CDH4: variants seen among roughly 807,000 people sequenced by gnomAD.
CDH4 encodes the protein cadherin 4.
Under a neutral mutation model 86.0 loss-of-function variants are expected in CDH4, and 33 were observed. That is an observed-to-expected ratio of 0.38 (90% CI 0.29 to 0.51). The LOEUF (loss-of-function observed/expected upper bound fraction) is 0.51, where lower values mean the gene tolerates loss of function less well. Ranked by LOEUF, CDH4 falls within the 20% of genes least tolerant of loss-of-function variation. The pLI is 0.86. For synonymous variants in CDH4, 555 were observed against 549.4 expected, an observed-to-expected ratio of 1.01 and a Z score of -0.14; for missense variants, 1,114 against 1,307.4, an observed-to-expected ratio of 0.85 and a Z score of 2.28.
chr20:61,926,468 T>C (rs1250573792), intron 11 of CDH4, among the ~76,000 whole-genome samples: 1 of 152,148 alleles, frequency 6.6e-6, no homozygotes, highest in Non-Finnish European at 1.5e-5. Context: ...CCGGGCTGTG[T>C]AGCTGTGCAG....
intron 2 of CDH4, among the ~76,000 whole-genome samples, chr20:61,294,441 C>G (rs1317137298): frequency 1.3e-5 from 2 of 152,158 alleles, no homozygotes; most frequent in African/African-American, 4.8e-5. Flanking sequence ...CCGACTCGGC[C>G]CATCCTACTC....
intron 2 of CDH4, among the ~76,000 whole-genome samples, chr20:61,617,589 G>A (rs2427189): frequency 0.95 from 144,725 of 152,310 alleles, 68,898 homozygotes; most frequent in East Asian, 1. Flanking sequence ...TCACAGGTTC[G>A]AAATCTGGGG....
chr20:61,397,757 G>A (rs1181882329), intron 2 of CDH4, among the ~76,000 whole-genome samples: 1 of 152,196 alleles, frequency 6.6e-6, no homozygotes, highest in Non-Finnish European at 1.5e-5. Flanking sequence ...TCGGTGCAAG[G>A]TGGACATACA....
intron 2 of CDH4, among the ~76,000 whole-genome samples, chr20:61,270,241 C>T (rs1000990559): frequency 1.3e-5 from 2 of 152,312 alleles, no homozygotes; most frequent in East Asian, 1.9e-4. Flanking sequence ...TGGATTACGC[C>T]GTATCCTATT....
At chr20:61,397,521 C>T (rs1163769950) in intron 2 of CDH4, among the ~76,000 whole-genome samples, 1 of 151,970 alleles carries the variant, frequency 6.6e-6, no homozygotes, top group African/African-American at 2.4e-5. Context: ...CCGTCGAGAC[C>T]GAACTTGAAA....
At chr20:61,532,025 T>C (rs945378101) in intron 2 of CDH4, among the ~76,000 whole-genome samples, 5 of 152,210 alleles carry the variant, frequency 3.3e-5, no homozygotes, top group Admixed American at 6.5e-5. Flanking sequence ...GCCAGTCTCA[T>C]AGAAGTGGCG....
chr20:61,632,991 C>A (rs1038684671), intron 2 of CDH4, among the ~76,000 whole-genome samples: 1 of 151,518 alleles, frequency 6.6e-6, no homozygotes, highest in African/African-American at 2.4e-5. Context: ...TCTTCCCATC[C>A]ATCTACCCAT....
At chr20:61,724,383 C>T (rs901581449) in intron 2 of CDH4, among the ~76,000 whole-genome samples, 6 of 152,206 alleles carry the variant, frequency 3.9e-5, no homozygotes, top group African/African-American at 9.6e-5. Context: ...CAAGACTCCC[C>T]ATGAAGGCCC....
rs1407849723 is a variant in CDH4, at chr20:61,681,601, G to A, written c.170-61962G>A. ...AAAAAGGGGGCATCATCTAGCAGCT[G>A]GGAGGAGTCTCAGGATCCCCCTGCA... On this transcript the variant is annotated intron_variant, in intron 2 of 15. Coordinates refer to ENST00000614565, the MANE Select transcript of CDH4 (RefSeq NM_001794.5). The surrounding 1 kb of genome is among the most constrained non-coding windows in gnomAD (Gnocchi z 4.5). Among the ~76,000 whole-genome samples, 1 of 152,186 alleles carries A rather than the reference G, an allele frequency of 6.6e-6. No homozygotes were observed. Among genetic ancestry groups the A allele is most frequent in the Admixed American group, 6.5e-5 (1 of 15,280 alleles).
intron 2 of CDH4, among the ~76,000 whole-genome samples, chr20:61,459,993 A>G (rs571344136): frequency 1.3e-5 from 2 of 152,150 alleles, no homozygotes; most frequent in Non-Finnish European, 2.9e-5. Flanking sequence ...CCAGGAACCA[A>G]TGGCAGAGTG....
intron 2 of CDH4, among the ~76,000 whole-genome samples, chr20:61,268,723 A>T (rs567571408): frequency 3.3e-4 from 50 of 152,160 alleles, no homozygotes; most frequent in Non-Finnish European, 4.9e-4. Flanking sequence ...CATTCTTGCC[A>T]TGTGATCTCA....
chr20:61,445,288 C>A (rs2085342732), intron 2 of CDH4, among the ~76,000 whole-genome samples: 1 of 152,082 alleles, frequency 6.6e-6, no homozygotes, highest in Admixed American at 6.5e-5. Context: ...CAGGCAGGGC[C>A]CCGGCCATCC....
Position 61,923,505 on chromosome 20 carries a change from C to T in CDH4, c.1429C>T (p.Gln477Ter). The T allele has an allele frequency of 6.2e-7, 1 of 1,614,148 alleles. No individual in the cohort carries two copies. Among genetic ancestry groups the T allele is most frequent in the Non-Finnish European group, 8.5e-7 (1 of 1,180,030 alleles). ...CATGCTGACAGTGATGGTGTCCAACCAGGCGCCCCTGGCCAGCGGAATCCA... is the reference window on the plus strand; with the variant it reads ...CATGCTGACAGTGATGGTGTCCAACTAGGCGCCCCTGGCCAGCGGAATCCA... ...AFMLTVMVSN[Q>*]APLASGIQMS... Residue 477 changes from glutamine (Q) to a stop codon, truncating the protein, a stop_gained, in exon 10 of 16, where the codon CAG (glutamine) becomes TAG (stop). Coordinates refer to ENST00000614565, the MANE Select transcript of CDH4 (RefSeq NM_001794.5). LOFTEE classifies it high-confidence loss of function.
chr20:61,482,793 A>G (rs1204939586), intron 2 of CDH4, among the ~76,000 whole-genome samples: 3 of 152,218 alleles, frequency 2.0e-5, no homozygotes, highest in East Asian at 1.9e-4. Flanking sequence ...ACTAAGCAAC[A>G]GCAGCCGCCG....
intron 4 of CDH4, among the ~76,000 whole-genome samples, chr20:61,843,653 A>T (rs1982286634): frequency 6.7e-6 from 1 of 150,364 alleles, no homozygotes; most frequent in Non-Finnish European, 1.5e-5. Context: ...TGATTGCCCT[A>T]CTGCACTCCA....
In CDH4 at chr20:61,841,527, A is replaced by G. The variant is rs570492949; in HGVS notation, c.577-3141A>G. Among the ~76,000 whole-genome samples, 3 of 152,266 alleles carry G rather than the reference A, an allele frequency of 2.0e-5. No individual in the cohort carries two copies. In the South Asian group the frequency reaches 6.2e-4, roughly 32 times the overall value. On this transcript the variant is annotated intron_variant, in intron 4 of 15. Transcript: ENST00000614565. The stretch of plus-strand genomic sequence containing the variant: ...AACGTTGCTGGTGGCCTTGGGCAGT[A>G]GAGGGAGGGGTGATTAAGGCTCCGT...
At chr20:61,872,428 G>A (rs1050930796) in intron 6 of CDH4, among the ~76,000 whole-genome samples, 27 of 152,282 alleles carry the variant, frequency 1.8e-4, no homozygotes, top group African/African-American at 6.0e-4. Flanking sequence ...AAGATCCCAA[G>A]GCTGGTGTGG....
At chr20:61,297,390 A>G (rs2084361686) in intron 2 of CDH4, among the ~76,000 whole-genome samples, 2 of 152,216 alleles carry the variant, frequency 1.3e-5, no homozygotes, top group African/African-American at 4.8e-5. Context: ...ACTCCATCTC[A>G]AAAAACAGAA....
chr20:61,375,997 A>G (rs1212405861), intron 2 of CDH4, among the ~76,000 whole-genome samples: 1 of 107,414 alleles, frequency 9.3e-6, no homozygotes, highest in Non-Finnish European at 1.8e-5. Context: ...TGGTAGTGTG[A>G]TGGTCTTGGT....
Sources: gnomAD v4.1 joint callset for allele counts (sites outside exome capture counted in the v4.1 genomes callset) on GRCh38, gnomAD v4.1.1 for gene constraint, Gnocchi (gnomAD v3.1) non-coding constraint, MANE v1.5 for transcripts, NCBI Gene and HGNC (gene_info 2026-07-23, HGNC 2026-07-21) for gene names.